PHLDB2: variants seen among roughly 807,000 people sequenced by gnomAD.
The protein encoded by PHLDB2 is pleckstrin homology-like domain family B member 2.
In PHLDB2, 71 loss-of-function variants were observed where a neutral mutation model predicts 123.6. That is an observed-to-expected ratio of 0.57 (90% CI 0.47 to 0.70). PHLDB2 has a LOEUF of 0.70. Ranked by LOEUF, PHLDB2 falls within the 30% of genes least tolerant of loss-of-function variation. PHLDB2 has a pLI of 0.00. For synonymous variants in PHLDB2, 547 were observed against 541.6 expected (o/e 1.01, Z -0.14); for missense variants, 1,446 against 1,519.5 (o/e 0.95, Z 0.80).
At chr3:111,815,518 T>C (rs2062035315) in intron 1 of PHLDB2, among the ~76,000 whole-genome samples, 1 of 152,176 alleles carries the variant, frequency 6.6e-6, no homozygotes, top group Admixed American at 6.5e-5. Context: ...TGCTTTGTTT[T>C]AGCAAAGAGG....
At chr3:111,839,936 C>A (rs1170022489) in intron 1 of PHLDB2, among the ~76,000 whole-genome samples, 1 of 117,850 alleles carries the variant, frequency 8.5e-6, no homozygotes, top group African/African-American at 3.4e-5. Flanking sequence ...GCCCCCCACC[C>A]CCGCTTTTTT....
chr3:111,914,982 A>G (rs542882107), intron 3 of PHLDB2: 2 of 152,248 alleles, frequency 1.3e-5, no homozygotes, highest in Admixed American at 6.5e-5. Flanking sequence ...AATTTCTCCA[A>G]AAATGATTTG....
chr3:111,925,926 G>C (rs985282097), intron 5 of PHLDB2, among the ~76,000 whole-genome samples: 1 of 152,228 alleles, frequency 6.6e-6, no homozygotes, highest in South Asian at 2.1e-4. Context: ...CAAAAATCAA[G>C]TCAGTTGTAC....
chr3:111,762,044 G>GC (rs1161404793), intron 1 of PHLDB2, among the ~76,000 whole-genome samples: 4 of 152,118 alleles, frequency 2.6e-5, no homozygotes, highest in South Asian at 2.1e-4. Flanking sequence ...AAAAAGGGAT[G>GC]CCCCCCCAAT....
intron 1 of PHLDB2, among the ~76,000 whole-genome samples, chr3:111,868,553 ATAT>A (rs1402057415): frequency 1.3e-5 from 2 of 152,060 alleles, no homozygotes; most frequent in East Asian, 3.9e-4. Context: ...TTTAAAAAAA[ATAT>A]TATTCTCTTC....
intron 1 of PHLDB2, among the ~76,000 whole-genome samples, chr3:111,742,593 G>C (rs963413952): frequency 6.6e-6 from 1 of 152,126 alleles, no homozygotes; most frequent in South Asian, 2.1e-4. Context: ...AGTTTGCTGA[G>C]AATGATGGTT....
chr3:111,906,617 G>A (rs762640709), intron 2 of PHLDB2, among the ~76,000 whole-genome samples: 2 of 152,200 alleles, frequency 1.3e-5, no homozygotes, highest in Non-Finnish European at 2.9e-5. Context: ...AAAGGGTATT[G>A]AAAAATCAAT....
chr3:111,901,459 G>GT (rs1237151086), intron 2 of PHLDB2, among the ~76,000 whole-genome samples: 1 of 151,190 alleles, frequency 6.6e-6, no homozygotes, highest in African/African-American at 2.4e-5. Context: ...GTCTACTGTC[G>GT]TTTTTTTACA....
In PHLDB2 at chr3:111,834,279, T is replaced by C. The variant is rs2063292042; in HGVS notation, c.-48-11542T>C. ...ATAATTCTATTATATACATAATATATATAATTCTATTATATACATAATATA... is the reference window on the plus strand; with the variant it reads ...ATAATTCTATTATATACATAATATACATAATTCTATTATATACATAATATA... On this transcript the variant is annotated intron_variant, in intron 1 of 17. Coordinates refer to the PHLDB2 transcript ENST00000393923. Among the ~76,000 whole-genome samples, 5 of 135,172 alleles carry C rather than the reference T, an allele frequency of 3.7e-5. No individual in the cohort carries two copies. The South Asian group carries it at 1.1e-3, about 30-fold the overall frequency. 88.7% of individuals were successfully genotyped at this position (135,172 alleles called of 152,430 possible).
At chr3:111,810,558 C>A (rs1213592590) in intron 1 of PHLDB2, among the ~76,000 whole-genome samples, 1 of 152,082 alleles carries the variant, frequency 6.6e-6, no homozygotes, top group African/African-American at 2.4e-5. Flanking sequence ...TTTAAGACCA[C>A]TAATCCTATC....
intron 2 of PHLDB2, among the ~76,000 whole-genome samples, chr3:111,890,153 C>T (rs558628825): frequency 4.6e-5 from 7 of 152,320 alleles, no homozygotes; most frequent in Non-Finnish European, 7.4e-5. Context: ...TCCGATTCTA[C>T]CTGTCAACTC....
intron 1 of PHLDB2, among the ~76,000 whole-genome samples, chr3:111,843,510 C>A (rs2063791337): frequency 6.6e-6 from 1 of 152,238 alleles, no homozygotes; most frequent in African/African-American, 2.4e-5. Flanking sequence ...CCTGCCTCAA[C>A]CTCCAAGTAG....
chr3:111,764,661 A>T (rs1436972431), intron 1 of PHLDB2, among the ~76,000 whole-genome samples: 3 of 152,210 alleles, frequency 2.0e-5, no homozygotes, highest in African/African-American at 7.2e-5. Flanking sequence ...AAGGTTCTTG[A>T]GGAATCACAG....
rs1401804432 is a variant in PHLDB2, at chr3:111,952,701, A to G, written c.2761A>G (p.Ile921Val). 1.3e-5 allele frequency: 21 copies of G among 1,612,756 alleles called. No homozygotes were observed. Among genetic ancestry groups the G allele is most frequent in the Non-Finnish European group, 1.6e-5 (19 of 1,179,616 alleles). The change falls in exon 11 of 18, where the codon ATC (isoleucine) becomes GTC (valine). Residue 921 changes from isoleucine (I) to valine (V), a missense_variant. Transcript: ENST00000431670. ...HFSSATMGRS[I>V]TPKAHLPLGQ... ...CAGCAGTGCTACTATGGGGAGAAGC[A>G]TCACCCCAAAGGTAGGACCTGGGAG...
chr3:111,777,545 A>G (rs912144884), intron 1 of PHLDB2, among the ~76,000 whole-genome samples: 2 of 152,094 alleles, frequency 1.3e-5, no homozygotes, highest in African/African-American at 4.8e-5. Flanking sequence ...TTTTTAGAAG[A>G]GCAAAAAGAC....
chr3:111,962,618 C>T (rs1035740960), intron 13 of PHLDB2, among the ~76,000 whole-genome samples: 5 of 152,136 alleles, frequency 3.3e-5, no homozygotes, highest in African/African-American at 7.2e-5. Context: ...CTAAGCTTCA[C>T]TTACACTGCT....
At chr3:111,887,587 T>G (rs1462309387) in intron 2 of PHLDB2, among the ~76,000 whole-genome samples, 2 of 152,200 alleles carry the variant, frequency 1.3e-5, no homozygotes, top group African/African-American at 4.8e-5. Context: ...GGATTAGAGA[T>G]AGAGCAGTAT....
chr3:111,802,872 G>A (rs1156732547), intron 1 of PHLDB2, among the ~76,000 whole-genome samples: 1 of 152,150 alleles, frequency 6.6e-6, no homozygotes, highest in Non-Finnish European at 1.5e-5. Context: ...GTCAGGAAAA[G>A]TTAAAGGTTA....
chr3:111,975,128 T>C lies in PHLDB2; in HGVS notation c.*565T>C, dbSNP rs1031021941. 9.2e-5 allele frequency: 14 copies of C among 152,746 alleles called. No homozygotes were observed. The highest frequency in any genetic ancestry group is 3.4e-4 in the African/African-American group (14 of 41,560). 9.5% of individuals were successfully genotyped at this position (152,746 alleles called of 1,614,324 possible). On this transcript the variant is annotated 3_prime_UTR_variant, in exon 18 of 18. Coordinates refer to ENST00000431670, the MANE Select transcript of PHLDB2 (RefSeq NM_001134438.2). ...CTGACTTCTGTGGAACAGTAGTAAC[T>C]GCAAGTGATGAACTGCATTTCGTAT...
Sources: gnomAD v4.1 joint callset for allele counts (sites outside exome capture counted in the v4.1 genomes callset) on GRCh38, gnomAD v4.1.1 for gene constraint, MANE v1.5 for transcripts, NCBI Gene and HGNC (gene_info 2026-07-23, HGNC 2026-07-21) for gene names.